SYMPK: variants seen among roughly 807,000 people sequenced by gnomAD.
The protein encoded by SYMPK is symplekin.
Under a neutral mutation model 136.4 loss-of-function variants are expected in SYMPK, and 49 were observed. The observed-to-expected ratio is 0.36, with a 90% CI of 0.29 to 0.46. SYMPK has a LOEUF of 0.46. Among genes scored for constraint, SYMPK ranks in the 20% least tolerant of loss-of-function variants. The pLI, the probability that SYMPK is intolerant of heterozygous loss-of-function variation, is 1.00. For synonymous variants in SYMPK, 766 were observed against 713.0 expected (o/e 1.07, Z -1.19); for missense variants, 1,365 against 1,690.0 (o/e 0.81, Z 3.37).
At position 45,816,189 on chromosome 19, in the gene SYMPK, G is replaced by A. The variant is rs754956465; in HGVS notation, c.3355-6C>T. 5 of 1,512,922 alleles carry A rather than the reference G, an allele frequency of 3.3e-6. No individual in the cohort carries two copies. The African/African-American group carries it at 5.5e-5, about 17-fold the overall frequency. The allele number at this position is 1,512,922 out of a possible 1,614,324, so 93.7% of individuals were successfully genotyped here. ...GTCAGGGGCTCCAGATCATCCTGGG[G>A]ATAGGGAGGGCCACACAGAAGCTCA... is the stretch of plus-strand genomic sequence containing the variant. On this transcript the variant is annotated splice_polypyrimidine_tract_variant and splice_region_variant and intron_variant, in intron 25 of 26. Coordinates refer to ENST00000245934, the MANE Select transcript of SYMPK (RefSeq NM_004819.3).
At chr19:45,833,309 G>A (rs192377507) in intron 11 of SYMPK, among the ~76,000 whole-genome samples, 28 of 152,194 alleles carry the variant, frequency 1.8e-4, no homozygotes, top group African/African-American at 6.7e-4. Flanking sequence ...TTCAAGAATA[G>A]GTAAAACTAG....
At chr19:45,851,051 T>A (rs955414941) in intron 5 of SYMPK, among the ~76,000 whole-genome samples, 2 of 151,750 alleles carry the variant, frequency 1.3e-5, no homozygotes, top group Admixed American at 6.6e-5. Flanking sequence ...GGATCAGAAG[T>A]GAGATGAAGC....
chr19:45,818,083 T>G lies in SYMPK; in HGVS notation c.2957A>C (p.Gln986Pro), dbSNP rs1970796834. 6.4e-7 allele frequency: 1 copy of G among 1,560,036 alleles called. No homozygotes were observed. The highest frequency in any genetic ancestry group is 1.4e-5 in the African/African-American group (1 of 73,436). ...CAGGGGGCTCTGCTCCATCAGCTGC[T>G]GCATCACCACGGCCAGCACCTCTGA... ...YTSEVLAVVM[Q>P]QLMEQSPLPM... Residue 986 changes from glutamine (Q) to proline (P), a missense_variant, in exon 23 of 27, where the codon CAG becomes CCG. Physicochemically the swap from Gln to Pro is moderately conservative, Grantham distance 76. Coordinates refer to ENST00000245934, the MANE Select transcript of SYMPK (RefSeq NM_004819.3).
In SYMPK at chr19:45,829,055, C is replaced by A; in HGVS notation, c.1900G>T (p.Gly634Cys). 6.2e-7 allele frequency: 1 copy of A among 1,614,160 alleles called. No individual in the cohort carries two copies. Among genetic ancestry groups the A allele is most frequent in the Non-Finnish European group, 8.5e-7 (1 of 1,180,042 alleles). ...TACTTGTCCAGGGAGCCCGAGGCAC[C>A]TGCGGCCAGGTAGGCGTTGTACTCC... Reference protein sequence around the residue: ...YQEYNAYLAAGASGSLDKYED... With the variant: ...YQEYNAYLAACASGSLDKYED... The change falls in exon 14 of 27, where the codon GGT becomes TGT. Residue 634 changes from glycine (G) to cysteine (C), a missense_variant. Physicochemically the swap from Gly to Cys is radical, Grantham distance 159. Around this residue, in one of 11 missense-constraint regions of SYMPK, gnomAD observed 303 missense variants for 326.6 expected, o/e 0.93. Transcript: ENST00000245934.
At chr19:45,827,725 C>T (rs556182432) in intron 15 of SYMPK, 102 bp from the exon 16 acceptor site, 104 of 1,481,398 alleles carry the variant, frequency 7.0e-5, no homozygotes, top group South Asian at 6.6e-4. Context: ...CAAAAGGGCC[C>T]GGTCCCTCAC....
rs529580192 is a variant in SYMPK, at chr19:45,862,343, C to T, written c.-13+715G>A. On this transcript the variant is annotated intron_variant, in intron 1 of 26. Coordinates refer to ENST00000245934, the MANE Select transcript of SYMPK (RefSeq NM_004819.3). ...AAGTGGTACCCTGCCCCACTGCTAC[C>T]TAGGAATCTGATGACTACCCTGTTT... 2.0e-5 allele frequency: 3 copies of T among 152,312 alleles called. No individual in the cohort carries two copies. In the South Asian group the frequency reaches 6.2e-4, roughly 32 times the overall value. 9.4% of individuals were successfully genotyped at this position (152,312 alleles called of 1,614,324 possible).
At chr19:45,856,591 T>G (rs1461391920) in intron 1 of SYMPK, among the ~76,000 whole-genome samples, 1 of 152,150 alleles carries the variant, frequency 6.6e-6, no homozygotes, top group Non-Finnish European at 1.5e-5. Flanking sequence ...CAGTAAACAT[T>G]GGCTAAGTAT....
intron 25 of SYMPK, 144 bp downstream of exon 25, chr19:45,816,338 G>A (rs538323607): frequency 1.1e-5 from 14 of 1,245,446 alleles, no homozygotes; most frequent in Middle Eastern, 2.8e-4. Context: ...CTCCCAGCAG[G>A]AGCATCCCCT....
In SYMPK at chr19:45,816,867, G is replaced by A. The variant is rs368352845; in HGVS notation, c.3189C>T (p.Ala1063=). ...ILQLPPQQLG[A]VFDKCPELRE... is the part of the protein sequence containing the mutation. Reference sequence around the variant, plus strand: ...GGAGCTCTGGGCACTTGTCAAAGACGGCTCCCAGCTGCTGGGGCGGCAGCT... The same window carrying A: ...GGAGCTCTGGGCACTTGTCAAAGACAGCTCCCAGCTGCTGGGGCGGCAGCT... Residue 1063 remains alanine (A), a synonymous_variant, in exon 24 of 27, where the codon GCC becomes GCT. Transcript: ENST00000245934. 9.5e-5 allele frequency: 148 copies of A among 1,549,946 alleles called. No homozygotes were observed. The highest frequency in any genetic ancestry group is 1.3e-4 in the Non-Finnish European group (144 of 1,146,934).
In SYMPK at chr19:45,842,394, A is replaced by T. The variant is rs956276171; in HGVS notation, c.943T>A (p.Leu315Met). 2 of 1,614,176 alleles carry T rather than the reference A, an allele frequency of 1.2e-6. No homozygotes were observed. Among genetic ancestry groups the T allele is most frequent in the Admixed American group, 1.7e-5 (1 of 60,028 alleles). ...GTGGTGATCTGGGCCTGGAACTCCA[A>T]GGAAGCCGGGTGCTTCAGCACACTC... ...LLSVLKHPASLEFQAQITTLL... is the reference protein window; with the variant it reads ...LLSVLKHPASMEFQAQITTLL... Residue 315 changes from leucine (L) to methionine (M), a missense_variant, in exon 9 of 27, where the codon TTG (leucine) becomes ATG (methionine). This residue lies in a region of SYMPK where 111 missense variants were observed against 141.2 expected (regional missense o/e 0.79). Coordinates refer to ENST00000245934, the MANE Select transcript of SYMPK (RefSeq NM_004819.3).
At chr19:45,852,657 T>C (rs1971725394) in intron 3 of SYMPK, 122 bp from the exon 4 acceptor site, 1 of 1,152,354 alleles carries the variant, frequency 8.7e-7, no homozygotes, top group African/African-American at 1.5e-5. Context: ...CTCATTTCAA[T>C]GCCTGGCTCT....
intron 22 of SYMPK, chr19:45,818,988 G>A (rs976771708): frequency 4.7e-5 from 5 of 106,260 alleles, no homozygotes; most frequent in African/African-American, 1.7e-4. Context: ...TGGAGAACAG[G>A]GGTGGGGTCT....
chr19:45,820,941 C>T (rs1349772267), intron 22 of SYMPK: 1 of 577,544 alleles, frequency 1.7e-6, no homozygotes, highest in Non-Finnish European at 3.0e-6. Flanking sequence ...AGTTCGTCAC[C>T]AACCCTGCCG....
rs1970802973 is a variant in SYMPK at position 45,818,283 on chromosome 19, G to C, written c.2894-137C>G. 4 of 849,976 alleles carry C rather than the reference G, an allele frequency of 4.7e-6. No homozygotes were observed. In the South Asian group the frequency reaches 8.3e-5, roughly 18 times the overall value. The allele number at this position is 849,976 out of a possible 1,614,324, so 52.7% of individuals were successfully genotyped here. A position where few individuals can be genotyped will look rare whatever the true frequency, so the allele number is the denominator to read the frequency against. The stretch of plus-strand genomic sequence containing the variant: ...ACTTCTAAAGCCCCTGCGGGAGAGA[G>C]GAGACTCCCCCGACCCAGCAGAAGG... On this transcript the variant is annotated intron_variant, in intron 22 of 26. Transcript: ENST00000245934.
chr19:45,840,177 T>C (rs1028239284), intron 9 of SYMPK, among the ~76,000 whole-genome samples: 7 of 146,704 alleles, frequency 4.8e-5, no homozygotes, highest in Non-Finnish European at 7.6e-5. Flanking sequence ...TGGTCAGATA[T>C]GATGGCGCGC....
intron 9 of SYMPK, 132 bp downstream of exon 9, chr19:45,842,118 G>A (rs758382743): frequency 3.3e-4 from 474 of 1,419,260 alleles, no homozygotes; most frequent in Non-Finnish European, 4.3e-4. Context: ...ATACAGGTGT[G>A]AGCCACTGTG....
chr19:45,818,213 G>A, intron 22 of SYMPK, 67 bp from the exon 23 acceptor site: 2 of 1,445,248 alleles, frequency 1.4e-6, no homozygotes, highest in Non-Finnish European at 9.2e-7. Context: ...GGGAGTCCCG[G>A]CCTCTGCTGT....
chr19:45,819,952 C>T (rs183774051), intron 22 of SYMPK: 39 of 152,610 alleles, frequency 2.6e-4, no homozygotes, highest in Non-Finnish European at 5.3e-4. Context: ...GCAGCGTGCA[C>T]GCCTGGGCGT....
intron 10 of SYMPK, among the ~76,000 whole-genome samples, chr19:45,837,877 G>A (rs969483545): frequency 1.5e-4 from 23 of 152,022 alleles, no homozygotes; most frequent in Admixed American, 3.3e-4. Context: ...GGAGAGGAGC[G>A]TGGGGAGAAA....
Sources: gnomAD v4.1 joint callset for allele counts (sites outside exome capture counted in the v4.1 genomes callset) on GRCh38, gnomAD v4.1.1 for gene constraint, gnomAD v4.1.1 regional missense constraint, MANE v1.5 for transcripts, NCBI Gene and HGNC (gene_info 2026-07-23, HGNC 2026-07-21) for gene names.